Variants in NYAP2 observed in about 807,000 individuals in gnomAD.
NYAP2 encodes neuronal tyrosine-phosphorylated phosphoinositide-3-kinase adapter 2.
Under a neutral mutation model 50.4 loss-of-function variants are expected in NYAP2, and 23 were observed. The observed-to-expected ratio is 0.46, with a 90% CI of 0.33 to 0.65. The LOEUF is 0.65. NYAP2 is among the 30% of genes least tolerant of loss of function. NYAP2 has a pLI of 0.02. For missense variants in NYAP2, 885 were observed against 861.0 expected, an observed-to-expected ratio of 1.03 and a Z score of -0.35; for synonymous variants, 394 against 365.2, an observed-to-expected ratio of 1.08 and a Z score of -0.90.
intron 5 of NYAP2, among the ~76,000 whole-genome samples, chr2:225,619,338 T>C (rs1693047606): frequency 6.6e-6 from 1 of 152,192 alleles, no homozygotes; most frequent in Admixed American, 6.5e-5. Context: ...GAGAGAATAG[T>C]GCTGCCAGTT....
At position 225,582,106 on chromosome 2, in the gene NYAP2, A is replaced by C. The variant is rs1383894945; in HGVS notation, c.689A>C (p.Gln230Pro). 6.2e-7 allele frequency: 1 copy of C among 1,614,044 alleles called. No individual in the cohort carries two copies. Among genetic ancestry groups the C allele is most frequent in the Non-Finnish European group, 8.5e-7 (1 of 1,179,878 alleles). ...CTGCCGCGGGACTCCTCCTTGTCCC[A>C]GATGGGCAGCCCCGCGGGAGACCCC... is the stretch of plus-strand genomic sequence containing the variant. Residue 230 changes from glutamine (Q) to proline (P), a missense_variant, in exon 5 of 7, where the codon CAG (glutamine) becomes CCG (proline). Coordinates refer to ENST00000636099, the Ensembl canonical transcript of NYAP2. The surrounding 1 kb of genome is among the most constrained non-coding windows in gnomAD (Gnocchi z 7.0).
At chr2:225,449,255 A>G (rs1014696017) in intron 3 of NYAP2, among the ~76,000 whole-genome samples, 2 of 152,202 alleles carry the variant, frequency 1.3e-5, no homozygotes, top group African/African-American at 2.4e-5. Context: ...CCTTAACTAT[A>G]TAATAGGGTA....
At chr2:225,681,521 G>C in the NYAP2 span, among the ~76,000 whole-genome samples, 295 of 152,270 alleles carry the variant, frequency 1.9e-3, no homozygotes, top group African/African-American at 6.7e-3. Context: ...TCTGGAATTC[G>C]ATCTGGCTAT....
At chr2:225,499,507 G>A (rs746086543) in intron 3 of NYAP2, among the ~76,000 whole-genome samples, 3 of 151,676 alleles carry the variant, frequency 2.0e-5, no homozygotes, top group Non-Finnish European at 2.9e-5. Context: ...TAGTAGAGAC[G>A]GGGTTTCATA....
chr2:225,646,132 A>T (rs1693631532), intron 6 of NYAP2, among the ~76,000 whole-genome samples: 1 of 152,208 alleles, frequency 6.6e-6, no homozygotes, highest in Non-Finnish European at 1.5e-5. Flanking sequence ...CCTTGTAAGG[A>T]TTTGTTTCAT....
chr2:225,565,591 C>T (rs866248255), intron 4 of NYAP2, among the ~76,000 whole-genome samples: 1 of 152,186 alleles, frequency 6.6e-6, no homozygotes, highest in Non-Finnish European at 1.5e-5. Flanking sequence ...AGCATATGCT[C>T]TCCTATCTTC....
chr2:225,473,321 C>T (rs1322019940), intron 3 of NYAP2, among the ~76,000 whole-genome samples: 1 of 152,154 alleles, frequency 6.6e-6, no homozygotes, highest in Non-Finnish European at 1.5e-5. Context: ...TGGGTATATA[C>T]CCAGTAATGG....
Position 225,629,548 on chromosome 2 carries a change from G to T in NYAP2, c.1828+2422G>T, listed in dbSNP as rs1693273579. Among the ~76,000 whole-genome samples, 8 of 152,252 alleles carry T rather than the reference G, an allele frequency of 5.3e-5. 1 individual carries two copies. The South Asian group carries it at 1.7e-3, about 32-fold the overall frequency. ...TCTGTGTTTCTGGGTACACAAGGCT[G>T]GGTAATTTATTAAGAAAAGAGGTGT... is the stretch of plus-strand genomic sequence containing the variant. On this transcript the variant is annotated intron_variant, in intron 6 of 6. Coordinates refer to ENST00000636099, the Ensembl canonical transcript of NYAP2.
intron 3 of NYAP2, among the ~76,000 whole-genome samples, chr2:225,412,043 A>G (rs1331475685): frequency 6.7e-6 from 1 of 149,868 alleles, no homozygotes; most frequent in Non-Finnish European, 1.5e-5. Flanking sequence ...TATCACTGCA[A>G]CCTCTGCCTC....
Position 225,582,434 on chromosome 2 carries a change from T to TTCCCCC in NYAP2, c.1017_1018insTCCCCC (p.Phe339_Pro340insSerPro). On this transcript the variant is annotated inframe_insertion, in exon 5 of 7. Coordinates refer to ENST00000636099, the Ensembl canonical transcript of NYAP2. The surrounding 1 kb of genome is among the most constrained non-coding windows in gnomAD (Gnocchi z 7.0). ...CTCACAGACCCCCGCTGCTGGTATT[T>TTCCCCC]CCCCCCGCCCCCGTGCATTGCTCCC... The TTCCCCC allele has an allele frequency of 6.4e-7, 1 of 1,564,564 alleles. No homozygotes were observed. Among genetic ancestry groups the TTCCCCC allele is most frequent in the South Asian group, 1.2e-5 (1 of 86,488 alleles).
intron 3 of NYAP2, among the ~76,000 whole-genome samples, chr2:225,478,267 C>T (rs913476579): frequency 3.9e-5 from 6 of 152,020 alleles, no homozygotes; most frequent in Admixed American, 6.6e-5. Flanking sequence ...GATGAAGAGT[C>T]GGGGATGCTG....
chr2:225,467,014 T>C (rs1332841938), intron 3 of NYAP2, among the ~76,000 whole-genome samples: 2 of 152,174 alleles, frequency 1.3e-5, no homozygotes, highest in Non-Finnish European at 2.9e-5. Context: ...CTGTTTGACC[T>C]TTTGACTTGG....
chr2:225,664,597 G>A, the NYAP2 span, among the ~76,000 whole-genome samples: 1 of 152,046 alleles, frequency 6.6e-6, no homozygotes, highest in African/African-American at 2.4e-5. Context: ...GGCCGGGCAC[G>A]GTGGCTTATG....
intron 5 of NYAP2, among the ~76,000 whole-genome samples, chr2:225,617,423 C>CT (rs1693008021): frequency 6.6e-6 from 1 of 151,202 alleles, no homozygotes; most frequent in Non-Finnish European, 1.5e-5. Flanking sequence ...GAGTGAAACT[C>CT]TATCAAAAAA....
At chr2:225,581,992 C>T (rs1004748640) in exon 5 of NYAP2, 1 of 1,612,964 alleles carries the variant, frequency 6.2e-7, no homozygotes. Flanking sequence ...AAGATTCCTC[C>T]TCCCAAACCG....
At chr2:225,554,529 G>C (rs1452701905) in intron 4 of NYAP2, among the ~76,000 whole-genome samples, 2 of 151,808 alleles carry the variant, frequency 1.3e-5, no homozygotes, top group Non-Finnish European at 1.5e-5. Flanking sequence ...TTGCCATGTT[G>C]GTCGGGCTGA....
intron 5 of NYAP2, among the ~76,000 whole-genome samples, chr2:225,616,696 A>G (rs1054516689): frequency 6.6e-6 from 1 of 152,140 alleles, no homozygotes; most frequent in Non-Finnish European, 1.5e-5. Flanking sequence ...TGAGGTAGGA[A>G]CTGGTCTTCC....
chr2:225,412,491 T>C (rs1342309895), intron 3 of NYAP2, among the ~76,000 whole-genome samples: 1 of 151,760 alleles, frequency 6.6e-6, no homozygotes, highest in African/African-American at 2.4e-5. Context: ...ATATGCCACA[T>C]TATGTGGATG....
chr2:225,423,689 C>T (rs988406282), intron 3 of NYAP2, among the ~76,000 whole-genome samples: 5 of 152,124 alleles, frequency 3.3e-5, no homozygotes, highest in African/African-American at 9.7e-5. Flanking sequence ...ACCTCAGTCA[C>T]ATAGATAAAA....
Sources: gnomAD v4.1 joint callset for allele counts (sites outside exome capture counted in the v4.1 genomes callset) on GRCh38, gnomAD v4.1.1 for gene constraint, Gnocchi (gnomAD v3.1) non-coding constraint, MANE v1.5 for transcripts, NCBI Gene and HGNC (gene_info 2026-07-23, HGNC 2026-07-21) for gene names.